The following ATG3 variants were observed in gnomAD, a reference collection of about 807,000 sequenced individuals.
The protein encoded by ATG3 is autophagy related 3, also known as ubiquitin-like-conjugating enzyme ATG3.
ATG3 carries 25 observed loss-of-function variants against 50.7 expected under a neutral mutation model. The observed-to-expected ratio is 0.49, with a 90% CI of 0.36 to 0.69. ATG3 has a LOEUF of 0.69. Ranked by LOEUF, ATG3 falls within the 30% of genes least tolerant of loss-of-function variation. The pLI, the probability that ATG3 is intolerant of heterozygous loss-of-function variation, is 0.00. For synonymous variants in ATG3, 119 were observed against 125.5 expected (o/e 0.95, Z 0.34); for missense variants, 281 against 376.0 (o/e 0.75, Z 2.09).
intron 1 of ATG3, 48 bp from the exon 2 acceptor site, chr3:112,558,465 A>C: frequency 7.1e-7 from 1 of 1,417,444 alleles, no homozygotes; most frequent in Non-Finnish European, 9.9e-7. Flanking sequence ...TTTCACTATC[A>C]ATTAAATATA....
intron 1 of ATG3, 61 bp from the exon 2 acceptor site, chr3:112,558,478 T>G: frequency 7.4e-7 from 1 of 1,354,586 alleles, no homozygotes; most frequent in Non-Finnish European, 1.1e-6. Context: ...TAAATATATT[T>G]TGGGGGCAAT....
chr3:112,557,018 T>C (rs1181918263), intron 2 of ATG3, among the ~76,000 whole-genome samples: 3 of 149,156 alleles, frequency 2.0e-5, no homozygotes, highest in Non-Finnish European at 3.0e-5. Flanking sequence ...GAATGATCAA[T>C]TAAAAAAAAA....
chr3:112,552,570 G>T (rs1374565498), intron 3 of ATG3, among the ~76,000 whole-genome samples: 2 of 150,992 alleles, frequency 1.3e-5, no homozygotes, highest in African/African-American at 4.9e-5. Context: ...ACATAAAACT[G>T]CAAAATCTCT....
chr3:112,547,327 C>T lies in ATG3; in HGVS notation c.343+1206G>A, dbSNP rs529174882. Reference sequence around the variant, plus strand: ...GATATACCTCCTAATCTCTAGGACTCGAAGGGAGAAAAACATATTTAGTAT... The same window carrying T: ...GATATACCTCCTAATCTCTAGGACTTGAAGGGAGAAAAACATATTTAGTAT... On this transcript the variant is annotated intron_variant, in intron 5 of 11. Transcript: ENST00000283290. Among the ~76,000 whole-genome samples, 4 of 151,988 alleles carry T rather than the reference C, an allele frequency of 2.6e-5. No individual in the cohort carries two copies. The South Asian group carries it at 6.2e-4, about 24-fold the overall frequency.
chr3:112,534,223 C>T (rs753366607), intron 11 of ATG3, 46 bp downstream of exon 11: 98 of 1,432,864 alleles, frequency 6.8e-5, no homozygotes, highest in Admixed American at 2.3e-4. Flanking sequence ...AAAAAAAAAT[C>T]GTTAACAGCC....
rs755971140 is a variant in ATG3, at chr3:112,561,736, C to T, written c.-208G>A. 5.5e-5 allele frequency: 31 copies of T among 563,954 alleles called. No individual in the cohort carries two copies. The highest frequency in any genetic ancestry group is 1.0e-4 in the African/African-American group (5 of 49,640). The allele number at this position is 563,954 out of a possible 1,614,324, so 34.9% of individuals were successfully genotyped here. On this transcript the variant is annotated 5_prime_UTR_variant, in exon 1 of 12. Transcript: ENST00000283290. ...AGCGCGCGAAGACGGGGTGCGCGAT[C>T]CTCGCACCCCAGGCAGCCCGCGACG...
chr3:112,550,109 T>A, intron 4 of ATG3, 83 bp downstream of exon 4: 2 of 1,004,102 alleles, frequency 2.0e-6, no homozygotes, highest in Admixed American at 2.5e-5. Flanking sequence ...AAGGAAAAAA[T>A]TTTCAAGCAA....
chr3:112,533,410 G>A, intron 11 of ATG3: 1 of 985,216 alleles, frequency 1.0e-6, no homozygotes, highest in Non-Finnish European at 1.2e-6. Context: ...GTGCCAGTTA[G>A]GCATAATAGG....
chr3:112,551,693 G>C (rs1394787655), intron 3 of ATG3, among the ~76,000 whole-genome samples: 1 of 152,012 alleles, frequency 6.6e-6, no homozygotes, highest in African/African-American at 2.4e-5. Flanking sequence ...AAAAAAACCT[G>C]AATCAGTTAT....
intron 2 of ATG3, among the ~76,000 whole-genome samples, chr3:112,555,725 C>T (rs1559848754): frequency 6.6e-6 from 1 of 152,208 alleles, no homozygotes; most frequent in Non-Finnish European, 1.5e-5. Context: ...TTTCCTCCTC[C>T]AGGCTCATTC....
chr3:112,552,865 C>T, intron 3 of ATG3, among the ~76,000 whole-genome samples: 1 of 152,072 alleles, frequency 6.6e-6, no homozygotes, highest in East Asian at 1.9e-4. Context: ...CCAGGATGGT[C>T]TCCATCTCCT....
At chr3:112,548,401 TG>T (rs567315727) in intron 5 of ATG3, 131 bp downstream of exon 5, 52 of 774,014 alleles carry the variant, frequency 6.7e-5, no homozygotes, top group Non-Finnish European at 1.0e-4. Context: ...TTTGTCCTCC[TG>T]CTTTTTTCAT....
intron 2 of ATG3, among the ~76,000 whole-genome samples, chr3:112,556,252 T>C (rs536126037): frequency 6.6e-6 from 1 of 152,370 alleles, no homozygotes; most frequent in South Asian, 2.1e-4. Context: ...GATTTCCTCA[T>C]TAGGAGAAAT....
intron 7 of ATG3, among the ~76,000 whole-genome samples, chr3:112,538,867 G>A (rs536848435): frequency 1.3e-5 from 2 of 152,120 alleles, no homozygotes; most frequent in Non-Finnish European, 2.9e-5. Flanking sequence ...AATGAACACT[G>A]CAAATATCAC....
At chr3:112,544,228 A>G in intron 5 of ATG3, 122 bp from the exon 6 acceptor site, 1 of 740,740 alleles carries the variant, frequency 1.3e-6, no homozygotes, top group Non-Finnish European at 2.2e-6. Context: ...GAGGCAAATA[A>G]TAGTAGTATC....
At chr3:112,551,680 T>C (rs999055320) in intron 3 of ATG3, among the ~76,000 whole-genome samples, 4 of 152,184 alleles carry the variant, frequency 2.6e-5, no homozygotes, top group Non-Finnish European at 5.9e-5. Flanking sequence ...GCTTATCATA[T>C]AGAAAAAAAC....
rs148263416 is a variant in ATG3, at chr3:112,548,617, G to C, written c.259C>G (p.Gln87Glu). 2.9e-4 allele frequency: 469 copies of C among 1,613,670 alleles called. No homozygotes were observed. The highest frequency in any genetic ancestry group is 3.6e-4 in the Non-Finnish European group (420 of 1,179,920). ...TCCAATTCATCTGAATATTCCATCT[G>C]TTTGCACCGCTTATAGCACGGCACT... is the stretch of plus-strand genomic sequence containing the variant. ...KNVPCYKRCKQMEYSDELEAI... is the reference protein window; with the variant it reads ...KNVPCYKRCKEMEYSDELEAI... Residue 87 changes from glutamine to glutamate, a missense_variant, in exon 5 of 12, where the codon CAG becomes GAG. Physicochemically the swap from Gln to Glu is conservative, Grantham distance 29. Transcript: ENST00000283290.
intron 8 of ATG3, 77 bp downstream of exon 8, chr3:112,538,069 C>T (rs1933121646): frequency 1.0e-5 from 13 of 1,279,072 alleles, no homozygotes; most frequent in Non-Finnish European, 1.4e-5. Context: ...TTTGAAAGAT[C>T]AATATATTAT....
intron 2 of ATG3, chr3:112,558,109 A>G: frequency 2.4e-6 from 1 of 421,156 alleles, no homozygotes; most frequent in Non-Finnish European, 4.3e-6. Context: ...GTCAAGGATA[A>G]GTGACATAGG....
Sources: gnomAD v4.1 joint callset for allele counts (sites outside exome capture counted in the v4.1 genomes callset) on GRCh38, gnomAD v4.1.1 for gene constraint, MANE v1.5 for transcripts, NCBI Gene and HGNC (gene_info 2026-07-23, HGNC 2026-07-21) for gene names.